Variants in CNTLN observed in about 807,000 individuals in gnomAD.
CNTLN encodes centlein, also known as centlein, centrosomal protein.
In CNTLN, 212 loss-of-function variants were observed where a neutral mutation model predicts 180.0. The ratio of observed to expected loss-of-function variants is 1.18; its 90% CI spans 1.05 to 1.32. CNTLN has a LOEUF of 1.32. Ranked by LOEUF, CNTLN falls within the 40% of genes most tolerant of loss-of-function variation. The pLI is 0.00. For missense variants in CNTLN, 2,095 were observed against 1,610.9 expected, an observed-to-expected ratio of 1.30 and a Z score of -5.14; for synonymous variants, 722 against 563.1, an observed-to-expected ratio of 1.28 and a Z score of -3.99.
At chr9:17,258,778 CTGT>C (rs1826713782) in intron 5 of CNTLN, among the ~76,000 whole-genome samples, 1 of 145,830 alleles carries the variant, frequency 6.9e-6, no homozygotes, top group Admixed American at 6.8e-5. Flanking sequence ...CTCTGTTTGT[CTGT>C]TGTTGGTGTA....
At chr9:17,336,721 T>G (rs1821065000) in intron 10 of CNTLN, among the ~76,000 whole-genome samples, 1 of 152,182 alleles carries the variant, frequency 6.6e-6, no homozygotes, top group Admixed American at 6.5e-5. Context: ...TTTAAAAAAA[T>G]TATACTTTAA....
chr9:17,518,134 G>A, the CNTLN span, among the ~76,000 whole-genome samples: 58 of 121,908 alleles, frequency 4.8e-4, no homozygotes, highest in East Asian at 9.7e-3. Flanking sequence ...CGCAACCTCT[G>A]CCTCCTGGGT....
chr9:17,272,986 T>G (rs1828054890), intron 5 of CNTLN, among the ~76,000 whole-genome samples: 2 of 152,142 alleles, frequency 1.3e-5, no homozygotes, highest in African/African-American at 4.8e-5. Context: ...TCATTGTCTT[T>G]TCTTTTTTTA....
chr9:17,277,715 G>T (rs1009057796), intron 6 of CNTLN, among the ~76,000 whole-genome samples: 1 of 151,938 alleles, frequency 6.6e-6, no homozygotes, highest in Non-Finnish European at 1.5e-5. Context: ...AAACTTAATT[G>T]CATCTTTTAT....
At chr9:17,185,318 G>T (rs1051199006) in intron 2 of CNTLN, among the ~76,000 whole-genome samples, 20 of 152,158 alleles carry the variant, frequency 1.3e-4, no homozygotes, top group African/African-American at 4.8e-4. Flanking sequence ...TCTGGTACGT[G>T]TTCATGATTT....
chr9:17,486,512 G>A (rs1392231175), intron 24 of CNTLN, among the ~76,000 whole-genome samples: 1 of 152,008 alleles, frequency 6.6e-6, no homozygotes, highest in Non-Finnish European at 1.5e-5. Context: ...TAGATTATTG[G>A]ATAGTTTGAA....
At chr9:17,359,921 TAAAC>T (rs1823223842) in intron 12 of CNTLN, among the ~76,000 whole-genome samples, 1 of 150,878 alleles carries the variant, frequency 6.6e-6, no homozygotes, top group African/African-American at 2.4e-5. Context: ...ATAATAAAAA[TAAAC>T]AAATGAGAGG....
At chr9:17,467,043 C>A in intron 23 of CNTLN, 152 bp downstream of exon 23, 1 of 469,912 alleles carries the variant, frequency 2.1e-6, no homozygotes, top group South Asian at 5.1e-5. Flanking sequence ...GCTAATAATT[C>A]CTCCATAAAG....
intron 18 of CNTLN, among the ~76,000 whole-genome samples, chr9:17,429,401 A>G (rs1829280157): frequency 6.6e-6 from 1 of 152,058 alleles, no homozygotes; most frequent in Admixed American, 6.5e-5. Flanking sequence ...TTGTTGCTTA[A>G]AGTACCCATG....
intron 2 of CNTLN, among the ~76,000 whole-genome samples, chr9:17,191,915 G>T (rs1821813073): frequency 6.6e-6 from 1 of 152,138 alleles, no homozygotes; most frequent in South Asian, 2.1e-4. Context: ...ATCAATTATT[G>T]TCTTGTAATG....
intron 25 of CNTLN, among the ~76,000 whole-genome samples, chr9:17,495,664 C>G (rs915241701): frequency 4.1e-4 from 63 of 152,064 alleles, no homozygotes; most frequent in Non-Finnish European, 2.1e-4. Context: ...TTTAATGAAG[C>G]TTAAGTATAC....
At chr9:17,301,039 G>A (rs1818308484) in intron 7 of CNTLN, 6 of 985,204 alleles carry the variant, frequency 6.1e-6, no homozygotes, top group African/African-American at 1.7e-5. Flanking sequence ...AAATATGGGA[G>A]CATAACTGGG....
In CNTLN at chr9:17,177,236, C is replaced by T. The variant is rs566612345; in HGVS notation, c.449+33860C>T. 9.2e-5 allele frequency among the ~76,000 whole-genome samples: 14 copies of T among 152,052 alleles called. No individual in the cohort carries two copies. In the East Asian group the frequency reaches 1.4e-3, roughly 15 times the overall value. ...TATCTTGGCTAACATGGTGAAACCC[C>T]GTCTCTACTAAAAATACAAAAAATT... is the stretch of plus-strand genomic sequence containing the variant. On this transcript the variant is annotated intron_variant, in intron 2 of 25. Transcript: ENST00000380647.
At chr9:17,489,223 C>A (rs930279080) in intron 25 of CNTLN, among the ~76,000 whole-genome samples, 1 of 151,990 alleles carries the variant, frequency 6.6e-6, no homozygotes, top group Non-Finnish European at 1.5e-5. Flanking sequence ...TGCCCACCAG[C>A]CTTTTTTTAG....
At chr9:17,268,651 G>C (rs1247766887) in intron 5 of CNTLN, among the ~76,000 whole-genome samples, 1 of 152,156 alleles carries the variant, frequency 6.6e-6, no homozygotes, top group African/African-American at 2.4e-5. Context: ...GGAGCCTACA[G>C]AGGCAGGCAG....
At chr9:17,505,937 A>C (rs1485119249), downstream of CNTLN, among the ~76,000 whole-genome samples, 1 of 152,130 alleles carries the variant, frequency 6.6e-6, no homozygotes, top group Non-Finnish European at 1.5e-5. Flanking sequence ...GGACAAATAA[A>C]TCAATGAAAA....
intron 19 of CNTLN, among the ~76,000 whole-genome samples, chr9:17,459,133 A>G (rs1831308510): frequency 6.6e-6 from 1 of 151,886 alleles, no homozygotes. Flanking sequence ...TAAAAGACAT[A>G]AATAGTTTTA....
intron 2 of CNTLN, among the ~76,000 whole-genome samples, chr9:17,146,662 G>A (rs1410142138): frequency 6.6e-6 from 1 of 152,138 alleles, no homozygotes. Flanking sequence ...CTCCAGAGCT[G>A]TGAGCAATAC....
chr9:17,342,244 T>C, intron 11 of CNTLN, 81 bp from the exon 12 acceptor site: 3 of 1,398,658 alleles, frequency 2.1e-6, no homozygotes, highest in Non-Finnish European at 2.9e-6. Flanking sequence ...TAGATATTTT[T>C]AAATTTTAAG....
Sources: allele counts gnomAD v4.1 joint callset (sites outside exome capture counted in the v4.1 genomes callset), GRCh38; gene constraint gnomAD v4.1.1; transcripts MANE v1.5; gene names NCBI Gene and HGNC (gene_info 2026-07-23, HGNC 2026-07-21).